The following EYS variants were observed in gnomAD, a reference collection of about 807,000 sequenced individuals.
The protein encoded by EYS is EGF-like photoreceptor maintenance factor.
A neutral mutation model predicts 282.1 loss-of-function variants in EYS; 250 were observed. The ratio of observed to expected loss-of-function variants is 0.89; its 90% confidence interval spans 0.80 to 0.98. The LOEUF (loss-of-function observed/expected upper bound fraction) is 0.98. EYS is among the 50% of genes least tolerant of loss of function. EYS has a pLI of 0.00. For synonymous variants in EYS, 1,355 were observed against 1,282.9 expected, an observed-to-expected ratio of 1.06 and a Z score of -1.20; for missense variants, 4,016 against 3,709.0, an observed-to-expected ratio of 1.08 and a Z score of -2.15.
intron 12 of EYS, among the ~76,000 whole-genome samples, chr6:65,093,150 T>A (rs1022901146): frequency 2.6e-5 from 4 of 152,022 alleles, no homozygotes; most frequent in African/African-American, 9.7e-5. Context: ...ATACTCAAAG[T>A]GCTGAAAGCA....
chr6:65,287,373 T>C (rs1768396147), intron 12 of EYS, among the ~76,000 whole-genome samples: 1 of 151,448 alleles, frequency 6.6e-6, no homozygotes, highest in Non-Finnish European at 1.5e-5. Context: ...CCCAAGATGG[T>C]TATTTTATAA....
At chr6:64,383,986 C>A (rs1209397695) in intron 29 of EYS, among the ~76,000 whole-genome samples, 7 of 152,130 alleles carry the variant, frequency 4.6e-5, no homozygotes, top group Admixed American at 4.6e-4. Context: ...ATATAAGCAA[C>A]CCAAATTTTC....
chr6:65,271,373 C>A (rs1051489193), intron 12 of EYS, among the ~76,000 whole-genome samples: 3 of 151,092 alleles, frequency 2.0e-5, no homozygotes, highest in East Asian at 2.0e-4. Context: ...GGGAAGAGGG[C>A]AAATTCAACT....
chr6:64,804,926 T>A (rs556488885), intron 22 of EYS, among the ~76,000 whole-genome samples: 41 of 152,132 alleles, frequency 2.7e-4, no homozygotes, highest in African/African-American at 9.4e-4. Context: ...TATAAGAACT[T>A]CTGAAGGAAA....
At chr6:64,733,852 GCTCCTGACTTAGT>G (rs1301954953) in intron 22 of EYS, 2 of 159,598 alleles carry the variant, frequency 1.3e-5, no homozygotes, top group Non-Finnish European at 1.4e-5. Context: ...CTTCTCTGTG[GCTCCTGACTTAGT>G]CTCACTCATA....
At chr6:65,263,517 A>C (rs1325169401) in intron 12 of EYS, among the ~76,000 whole-genome samples, 1 of 152,134 alleles carries the variant, frequency 6.6e-6, no homozygotes, top group Non-Finnish European at 1.5e-5. Context: ...AAAAACTAAA[A>C]ATTAAAAGTC....
chr6:64,073,601 A>G (rs1199302794), intron 32 of EYS, among the ~76,000 whole-genome samples: 1 of 151,882 alleles, frequency 6.6e-6, no homozygotes, highest in African/African-American at 2.4e-5. Flanking sequence ...GAATTTTCAA[A>G]ATACAACTAC....
At chr6:64,170,467 A>G (rs1345728172) in intron 31 of EYS, among the ~76,000 whole-genome samples, 1 of 152,016 alleles carries the variant, frequency 6.6e-6, no homozygotes, top group Non-Finnish European at 1.5e-5. Flanking sequence ...TGAAGGCTCT[A>G]GGGAAGAATT....
chr6:64,211,708 TTTAAA>T (rs1159711143), intron 31 of EYS, among the ~76,000 whole-genome samples: 1 of 149,048 alleles, frequency 6.7e-6, no homozygotes, highest in Non-Finnish European at 1.5e-5. Flanking sequence ...TAGATTAATA[TTTAAA>T]TTATATATGT....
At chr6:64,630,257 A>T (rs1196912190) in intron 22 of EYS, among the ~76,000 whole-genome samples, 1 of 151,748 alleles carries the variant, frequency 6.6e-6, no homozygotes, top group Non-Finnish European at 1.5e-5. Context: ...CACCACGCCC[A>T]GCTATTTTAT....
At chr6:63,724,637 AT>A (rs1042765054) in intron 42 of EYS, among the ~76,000 whole-genome samples, 20 of 152,218 alleles carry the variant, frequency 1.3e-4, no homozygotes, top group African/African-American at 4.8e-4. Context: ...CCAGAGTCTT[AT>A]TTCTTTAAAA....
chr6:64,662,541 A>G (rs1472687463), intron 22 of EYS, among the ~76,000 whole-genome samples: 1 of 152,118 alleles, frequency 6.6e-6, no homozygotes, highest in Non-Finnish European at 1.5e-5. Flanking sequence ...TCATCCAGCA[A>G]ATATTATTCT....
At chr6:63,759,141 T>C (rs1769569165) in intron 41 of EYS, among the ~76,000 whole-genome samples, 1 of 152,140 alleles carries the variant, frequency 6.6e-6, no homozygotes, top group Non-Finnish European at 1.5e-5. Flanking sequence ...ACCTCATAGA[T>C]ATGTCTCTTA....
chr6:65,552,384 A>C (rs1358962804), intron 2 of EYS, among the ~76,000 whole-genome samples: 2 of 152,254 alleles, frequency 1.3e-5, no homozygotes, highest in Non-Finnish European at 2.9e-5. Flanking sequence ...AAGTTGTTCA[A>C]GACATTTTAA....
At chr6:65,180,313 T>C (rs1381102629) in intron 12 of EYS, among the ~76,000 whole-genome samples, 1 of 152,104 alleles carries the variant, frequency 6.6e-6, no homozygotes, top group African/African-American at 2.4e-5. Context: ...AACCCCATGG[T>C]CTCAGCCCAA....
At chr6:65,574,442 T>C (rs1399519253) in intron 2 of EYS, among the ~76,000 whole-genome samples, 1 of 152,268 alleles carries the variant, frequency 6.6e-6, no homozygotes, top group East Asian at 1.9e-4. Flanking sequence ...AGATATTCTA[T>C]GCAAGTGGAT....
rs967750758 is a variant in EYS, at chr6:64,192,041, T to A, written c.6424+38551A>T. Among the ~76,000 whole-genome samples, 59 of 144,372 alleles carry A rather than the reference T, an allele frequency of 4.1e-4. 1 individual carries two copies. Among genetic ancestry groups the A allele is most frequent in the Non-Finnish European group, 6.7e-4 (44 of 65,286 alleles). 94.7% of individuals were successfully genotyped at this position (144,372 alleles called of 152,430 possible). A position where few individuals can be genotyped will look rare whatever the true frequency, so the allele number is the denominator to read the frequency against. On this transcript the variant is annotated intron_variant, in intron 31 of 42. Coordinates refer to ENST00000503581, the MANE Select transcript of EYS (RefSeq NM_001142800.2). Reference sequence around the variant, plus strand: ...CCATTCTAACTGGTGTGAGATGTTATCTCATTGTGGTTTTGATTTGCATTT... The same window carrying A: ...CCATTCTAACTGGTGTGAGATGTTAACTCATTGTGGTTTTGATTTGCATTT...
intron 31 of EYS, among the ~76,000 whole-genome samples, chr6:64,095,175 C>T (rs372547620): frequency 0.042 from 6,383 of 152,040 alleles, 399 homozygotes; most frequent in African/African-American, 0.14. Context: ...TACTTCCAAC[C>T]ATGTGGTCAA....
rs775850959 is a variant in EYS at position 65,693,149 on chromosome 6, CCTTT to C, written c.-448+13982_-448+13985del. Among the ~76,000 whole-genome samples the C allele has an allele frequency of 2.7e-5, 4 of 149,868 alleles. 1 individual carries two copies. Among genetic ancestry groups the C allele is most frequent in the Non-Finnish European group, 5.9e-5 (4 of 67,534 alleles). On this transcript the variant is annotated intron_variant, in intron 1 of 42. Transcript: ENST00000503581. ...GTCAAATAGATTTCATCGCTTCCTT[CCTTT>C]CTTCCTATTTTCCTTCCTTCTCTTT...
Sources: gnomAD v4.1 joint callset for allele counts (sites outside exome capture counted in the v4.1 genomes callset) on GRCh38, gnomAD v4.1.1 for gene constraint, MANE v1.5 for transcripts, NCBI Gene and HGNC (gene_info 2026-07-23, HGNC 2026-07-21) for gene names.